The following ATM variants were observed in gnomAD, a reference collection of about 807,000 sequenced individuals.
ATM encodes the protein serine-protein kinase ATM.
Under a neutral mutation model 387.0 loss-of-function variants are expected in ATM, and 308 were observed. The observed-to-expected ratio is 0.80, with a 90% CI of 0.73 to 0.87. The LOEUF is 0.87. ATM is among the 40% of genes least tolerant of loss of function. ATM has a pLI of 0.00. For synonymous variants in ATM, 1,156 were observed against 1,187.3 expected (o/e 0.97, Z 0.54); for missense variants, 3,312 against 3,560.9 (o/e 0.93, Z 1.78).
chr11:108,315,085 G>GA (rs988485250), intron 40 of ATM, among the ~76,000 whole-genome samples: 4 of 152,150 alleles, frequency 2.6e-5, no homozygotes, highest in African/African-American at 7.2e-5. Flanking sequence ...TAAACACAGT[G>GA]AAAAAATACA....
intron 12 of ATM, among the ~76,000 whole-genome samples, chr11:108,253,510 G>T (rs1407920744): frequency 2.6e-5 from 4 of 151,962 alleles, no homozygotes; most frequent in African/African-American, 9.7e-5. Context: ...TGCAGACAAT[G>T]TTATGCTTAA....
intron 34 of ATM, 42 bp from the exon 35 acceptor site, chr11:108,301,606 A>G (rs761869954): frequency 1.3e-5 from 21 of 1,611,862 alleles, no homozygotes; most frequent in Non-Finnish European, 1.5e-5. Context: ...ATCAAGATTA[A>G]TAACTGGTGT....
In ATM at chr11:108,360,725, A is replaced by G. The variant is rs1459718909; in HGVS notation, c.8851-4357A>G. On this transcript the variant is annotated intron_variant, in intron 61 of 62. Transcript: ENST00000675843. ...TGATTATCTCAATAGATGCAGAAAA[A>G]GCCTTTGACAAAATTCAACAACCCT... Among the ~76,000 whole-genome samples, 36 of 140,674 alleles carry G rather than the reference A, an allele frequency of 2.6e-4. No individual in the cohort carries two copies. In the South Asian group the frequency reaches 6.3e-3, roughly 25 times the overall value. The allele number at this position is 140,674 out of a possible 152,430, so 92.3% of individuals were successfully genotyped here. A position where few individuals can be genotyped will look rare whatever the true frequency, so the allele number is the denominator to read the frequency against.
At chr11:108,242,378 G>C (rs4987914) in intron 5 of ATM, among the ~76,000 whole-genome samples, 1 of 152,096 alleles carries the variant, frequency 6.6e-6, no homozygotes, top group Admixed American at 6.6e-5. Flanking sequence ...GACAAATTGG[G>C]AACAAGATAA....
chr11:108,335,910 G>T lies in ATM; in HGVS notation c.8217G>T (p.Leu2739=), dbSNP rs759069006. 1 of 1,613,998 alleles carries T rather than the reference G, an allele frequency of 6.2e-7. No individual in the cohort carries two copies. Among genetic ancestry groups the T allele is most frequent in the Non-Finnish European group, 8.5e-7 (1 of 1,179,948 alleles). ...QQVFQMCNTL[L]QRNTETRKRK... is the part of the protein sequence containing the mutation. Reference sequence around the variant, plus strand: ...TCTTCCAGATGTGTAATACATTACTGCAGAGAAACACGGAAACTAGGAAGA... The same window carrying T: ...TCTTCCAGATGTGTAATACATTACTTCAGAGAAACACGGAAACTAGGAAGA... Residue 2739 remains leucine (L), a synonymous_variant, in exon 56 of 63, where the codon CTG becomes CTT. Coordinates refer to ENST00000675843, the MANE Select transcript of ATM (RefSeq NM_000051.4).
chr11:108,300,846 C>T (rs1264139574), intron 34 of ATM, among the ~76,000 whole-genome samples: 3 of 150,134 alleles, frequency 2.0e-5, no homozygotes, highest in South Asian at 2.1e-4. Flanking sequence ...ATCCGTCTAT[C>T]CTTGTGTTAA....
Position 108,253,928 on chromosome 11 carries a change from A to G in ATM, c.2013A>G (p.Ile671Met), listed in dbSNP as rs1371341017. ...DFLTIVRECG[I>M]EKHQSSIGFS... ...TAACCATTGTGAGAGAATGTGGTATAGAAAAGCACCAGTCCAGTATTGGCT... is the reference window on the plus strand; with the variant it reads ...TAACCATTGTGAGAGAATGTGGTATGGAAAAGCACCAGTCCAGTATTGGCT... Residue 671 changes from isoleucine (I) to methionine (M), a missense_variant, in exon 13 of 63, where the codon ATA (isoleucine) becomes ATG (methionine). Ile to Met is a conservative substitution (Grantham distance 10). Around this residue, in one of 4 missense-constraint regions of ATM, gnomAD observed 1,791 missense variants for 1,804.5 expected, o/e 0.99. Coordinates refer to ENST00000675843, the MANE Select transcript of ATM (RefSeq NM_000051.4). 1.2e-6 allele frequency: 2 copies of G among 1,614,020 alleles called. No homozygotes were observed. Among genetic ancestry groups the G allele is most frequent in the Non-Finnish European group, 1.7e-6 (2 of 1,179,988 alleles).
rs2081292489 is a variant in ATM at position 108,267,053 on chromosome 11, C to T, written c.2467-118C>T. 21 of 1,044,914 alleles carry T rather than the reference C, an allele frequency of 2.0e-5. No individual in the cohort carries two copies. The South Asian group carries it at 2.6e-4, about 13-fold the overall frequency. 64.7% of individuals were successfully genotyped at this position (1,044,914 alleles called of 1,614,324 possible). On this transcript the variant is annotated intron_variant, in intron 16 of 62. Transcript: ENST00000675843. ...TCAGGTGATCCACCTGGCTCTGCCT[C>T]CCAAATTGCTGAGATTACAGATGTG... is the stretch of plus-strand genomic sequence containing the variant.
At chr11:108,359,392 T>C (rs878899288) in intron 61 of ATM, among the ~76,000 whole-genome samples, 14 of 151,766 alleles carry the variant, frequency 9.2e-5, no homozygotes, top group East Asian at 5.8e-4. Context: ...ATCAACGAGA[T>C]AAAAAGTCAA....
intron 7 of ATM, among the ~76,000 whole-genome samples, chr11:108,245,308 A>G (rs2079791246): frequency 6.6e-6 from 1 of 152,224 alleles, no homozygotes; most frequent in Non-Finnish European, 1.5e-5. Flanking sequence ...TTATGCATCA[A>G]TACTTAGATA....
rs1555096804 is a variant in ATM at position 108,288,992 on chromosome 11, T to C, written c.4125T>C (p.Ala1375=). 1 of 1,613,662 alleles carries C rather than the reference T, an allele frequency of 6.2e-7. No individual in the cohort carries two copies. Among genetic ancestry groups the C allele is most frequent in the Non-Finnish European group, 8.5e-7 (1 of 1,179,734 alleles). ...ACTCTGTTAGGGATTTGGATCCTGCTCCTAATCCACCTCATTTTCCATCGC... is the reference window on the plus strand; with the variant it reads ...ACTCTGTTAGGGATTTGGATCCTGCCCCTAATCCACCTCATTTTCCATCGC... ...LCDFSGDLDP[A]PNPPHFPSHV... Residue 1375 remains alanine (A), a synonymous_variant, in exon 28 of 63, where the codon GCT becomes GCC. Transcript: ENST00000675843.
rs864622148 is a variant in ATM at position 108,310,284 on chromosome 11, G to C, written c.5887G>C (p.Asp1963His). Residue 1963 changes from aspartate (D) to histidine (H), a missense_variant, in exon 39 of 63, where the codon GAT (aspartate) becomes CAT (histidine). Around this residue, in one of 4 missense-constraint regions of ATM, gnomAD observed 1,405 missense variants for 1,604.4 expected, o/e 0.88. Coordinates refer to ENST00000675843, the MANE Select transcript of ATM (RefSeq NM_000051.4). ...TTTACTCTATGCAGAAATCTATGCA[G>C]ATAAGAAAAGTATGGATGATCAAGA... The part of the protein sequence containing the change: ...TALLYAEIYA[D>H]KKSMDDQEKR... 1 of 1,613,458 alleles carries C rather than the reference G, an allele frequency of 6.2e-7. No individual in the cohort carries two copies. Among genetic ancestry groups the C allele is most frequent in the Non-Finnish European group, 8.5e-7 (1 of 1,179,676 alleles).
rs576254168 is a variant in ATM at position 108,321,364 on chromosome 11, A to C, written c.6516A>C (p.Thr2172=). The part of the protein sequence containing the change: ...SLESVYSLYP[T]LSRLQAIGEL... ...AGTCTGTGTATTCGCTCTATCCCAC[A>C]CTTAGCAGGTTGCAGGCCATTGGAG... Residue 2172 remains threonine (T), a synonymous_variant, in exon 45 of 63, where the codon ACA becomes ACC. Transcript: ENST00000675843. 2 of 1,614,192 alleles carry C rather than the reference A, an allele frequency of 1.2e-6. No individual in the cohort carries two copies. Among genetic ancestry groups the C allele is most frequent in the Non-Finnish European group, 1.7e-6 (2 of 1,180,036 alleles).
intron 11 of ATM, among the ~76,000 whole-genome samples, 189 bp downstream of exon 11, chr11:108,252,220 AAAGGGTTGTCTCACTGTGAGAAT>A (rs2080193749): frequency 6.6e-6 from 1 of 152,218 alleles, no homozygotes; most frequent in Admixed American, 6.5e-5. Flanking sequence ...CTTCTGAAAT[AAAGGGTTGTCTCACTGTGAGAAT>A]ATGGGGGATG....
At chr11:108,272,317 A>C (rs1036630633) in intron 20 of ATM, among the ~76,000 whole-genome samples, 1 of 151,930 alleles carries the variant, frequency 6.6e-6, no homozygotes, top group South Asian at 2.1e-4. Context: ...TAATGGTATA[A>C]AACAAATAAT....
At chr11:108,261,024 CTG>C (rs2080842361) in intron 16 of ATM, among the ~76,000 whole-genome samples, 1 of 152,144 alleles carries the variant, frequency 6.6e-6, no homozygotes, top group African/African-American at 2.4e-5. Context: ...GCACAGCAGT[CTG>C]AGATCAAACT....
At chr11:108,259,218 G>A (rs1050615250) in intron 16 of ATM, 143 bp downstream of exon 16, 39 of 760,584 alleles carry the variant, frequency 5.1e-5, no homozygotes, top group Non-Finnish European at 7.7e-5. Flanking sequence ...GGCCAGGTGC[G>A]GTGGCTCATG....
At chr11:108,247,253 T>C (rs1196210975) in intron 8 of ATM, 126 bp downstream of exon 8, 4 of 815,682 alleles carry the variant, frequency 4.9e-6, no homozygotes, top group Non-Finnish European at 6.0e-6. Context: ...TACATGCAAC[T>C]ATTCCTTTCA....
intron 54 of ATM, 28 bp from the exon 55 acceptor site, chr11:108,334,941 T>C: frequency 6.2e-7 from 1 of 1,600,180 alleles, no homozygotes; most frequent in South Asian, 1.1e-5. Context: ...ATCTGACCTA[T>C]TATCAATCAT....
Sources: gnomAD v4.1 joint callset for allele counts (sites outside exome capture counted in the v4.1 genomes callset) on GRCh38, gnomAD v4.1.1 for gene constraint, gnomAD v4.1.1 regional missense constraint, MANE v1.5 for transcripts, NCBI Gene and HGNC (gene_info 2026-07-23, HGNC 2026-07-21) for gene names.